The following SPATA21 variants were observed in gnomAD, a reference collection of about 807,000 sequenced individuals.
The protein encoded by SPATA21 is spermatogenesis associated 21, also known as spermatogenesis-associated protein 21.
Under a neutral mutation model 54.8 loss-of-function variants are expected in SPATA21, and 47 were observed. The observed-to-expected ratio is 0.86, with a 90% CI of 0.68 to 1.09. SPATA21 has a LOEUF of 1.09. Among genes scored for constraint, SPATA21 ranks in the 50% least tolerant of loss-of-function variants. The pLI, the probability that SPATA21 is intolerant of heterozygous loss-of-function variation, is 0.00. For missense variants in SPATA21, 599 were observed against 596.4 expected, an observed-to-expected ratio of 1.00 and a Z score of -0.05; for synonymous variants, 245 against 235.3, an observed-to-expected ratio of 1.04 and a Z score of -0.38.
At chr1:16,417,438 CTTTTTTTTT>C (rs550527293) in intron 5 of SPATA21, among the ~76,000 whole-genome samples, 1 of 124,782 alleles carries the variant, frequency 8.0e-6, no homozygotes, top group South Asian at 2.6e-4. Context: ...TTTTTGTGGG[CTTTTTTTTT>C]TTTTTTTTGA....
chr1:16,431,298 AG>A, intron 3 of SPATA21, 39 bp downstream of exon 3: 1 of 1,614,104 alleles, frequency 6.2e-7, no homozygotes. Flanking sequence ...GGTGATCCTC[AG>A]GCCAGGACTT....
chr1:16,403,490 TTC>T lies in SPATA21; in HGVS notation c.1001+235_1001+236del, dbSNP rs370315457. On this transcript the variant is annotated intron_variant, in intron 10 of 12. Coordinates refer to ENST00000335496, the MANE Select transcript of SPATA21 (RefSeq NM_198546.1). Reference sequence around the variant, plus strand: ...TTTTATTCTAGTTTTTTTCTTTTTTTTCTTTTTTTTTTTTTTGAGACAGAGTC... The same window carrying T: ...TTTTATTCTAGTTTTTTTCTTTTTTTTTTTTTTTTTTTTTGAGACAGAGTC... 7.6e-4 allele frequency among the ~76,000 whole-genome samples: 95 copies of T among 124,554 alleles called. 5 individuals are homozygous for T. The highest frequency in any genetic ancestry group is 2.4e-3 in the East Asian group (7 of 2,930). The allele number at this position is 124,554 out of a possible 152,430, so 81.7% of individuals were successfully genotyped here.
downstream of SPATA21, chr1:16,398,047 C>T: frequency 1.1e-6 from 1 of 890,152 alleles, no homozygotes; most frequent in Non-Finnish European, 1.3e-6. Context: ...GTGTAGCGGG[C>T]AGCTGCCCAC....
chr1:16,415,523 G>C (rs2085977354), intron 5 of SPATA21, among the ~76,000 whole-genome samples: 1 of 152,106 alleles, frequency 6.6e-6, no homozygotes, highest in African/African-American at 2.4e-5. Flanking sequence ...GCCCCAAGGT[G>C]GGTAGAAGTC....
chr1:16,425,188 A>G (rs1487586828), intron 3 of SPATA21: 1 of 487,832 alleles, frequency 2.0e-6, no homozygotes, highest in Non-Finnish European at 4.0e-6. Context: ...TGGGATTAAC[A>G]GGCGTGAGCC....
intron 5 of SPATA21, among the ~76,000 whole-genome samples, chr1:16,412,497 C>T (rs1157630176): frequency 6.6e-6 from 1 of 152,162 alleles, no homozygotes; most frequent in African/African-American, 2.4e-5. Flanking sequence ...GAGTCTCACT[C>T]TGTTGCCCAG....
At chr1:16,431,630 G>A (rs1375302276) in intron 2 of SPATA21, among the ~76,000 whole-genome samples, 2 of 152,140 alleles carry the variant, frequency 1.3e-5, no homozygotes, top group East Asian at 3.9e-4. Flanking sequence ...TGACCCTGAG[G>A]AAAAGGGGCT....
chr1:16,408,915 C>CCAACCCAGCAGCTTTG (rs1274046983), intron 7 of SPATA21, among the ~76,000 whole-genome samples: 5 of 150,992 alleles, frequency 3.3e-5, no homozygotes, highest in Non-Finnish European at 7.4e-5. Context: ...CTGGCCCCCC[C>CCAACCCAGCAGCTTTG]AACCCAGCAG....
At chr1:16,398,571 C>T (rs530327326), downstream of SPATA21, 10 of 630,570 alleles carry the variant, frequency 1.6e-5, no homozygotes, top group African/African-American at 1.6e-4. Context: ...TGAGGTGGAA[C>T]CCTGCACTCT....
chr1:16,425,601 C>T (rs896945261), intron 3 of SPATA21: 23 of 1,550,104 alleles, frequency 1.5e-5, no homozygotes, highest in South Asian at 8.3e-5. Flanking sequence ...ATCTCCTTTC[C>T]GGAGCCCAGC....
intron 7 of SPATA21, among the ~76,000 whole-genome samples, chr1:16,406,347 A>G (rs1267841006): frequency 6.6e-6 from 1 of 152,156 alleles, no homozygotes; most frequent in Non-Finnish European, 1.5e-5. Context: ...AGTACTTCCA[A>G]ATGTGCCTGT....
chr1:16,405,835 A>C (rs1357763680), intron 7 of SPATA21, among the ~76,000 whole-genome samples: 3 of 152,226 alleles, frequency 2.0e-5, no homozygotes, highest in African/African-American at 7.2e-5. Context: ...TAGGTGACCA[A>C]GATCTAGGGA....
At chr1:16,435,560 G>T (rs1399394930) in intron 1 of SPATA21, among the ~76,000 whole-genome samples, 1 of 151,186 alleles carries the variant, frequency 6.6e-6, no homozygotes, top group Non-Finnish European at 1.5e-5. Context: ...CAGGTGATCT[G>T]CCCACCTCAG....
chr1:16,406,736 T>C (rs1344860502), intron 7 of SPATA21, among the ~76,000 whole-genome samples: 1 of 152,152 alleles, frequency 6.6e-6, no homozygotes, highest in Non-Finnish European at 1.5e-5. Context: ...AACAAGGCCC[T>C]GTCTCAAATA....
At chr1:16,406,018 G>T (rs1167435633) in intron 7 of SPATA21, among the ~76,000 whole-genome samples, 2 of 152,222 alleles carry the variant, frequency 1.3e-5, no homozygotes, top group Non-Finnish European at 2.9e-5. Context: ...GCACTGAGTG[G>T]AGGCTACTAA....
intron 10 of SPATA21, among the ~76,000 whole-genome samples, chr1:16,403,207 A>G (rs1233494456): frequency 6.6e-6 from 1 of 152,116 alleles, no homozygotes; most frequent in Non-Finnish European, 1.5e-5. Context: ...GGTCCATCGA[A>G]TTCCTTTCCT....
At chr1:16,413,277 T>C (rs985592484) in intron 5 of SPATA21, among the ~76,000 whole-genome samples, 6 of 152,246 alleles carry the variant, frequency 3.9e-5, no homozygotes, top group African/African-American at 1.4e-4. Flanking sequence ...GCTTTGTCTT[T>C]TTGTGACTGG....
intron 12 of SPATA21, 150 bp downstream of exon 12, chr1:16,399,194 T>G (rs2085366820): frequency 5.4e-6 from 5 of 922,278 alleles, no homozygotes; most frequent in Admixed American, 3.0e-5. Context: ...AAGGTTTGTC[T>G]TCTTCGCCTT....
At chr1:16,404,929 C>T in intron 8 of SPATA21, 38 bp downstream of exon 8, 1 of 1,522,194 alleles carries the variant, frequency 6.6e-7, no homozygotes, top group African/African-American at 1.4e-5. Context: ...TGAAGCAGGC[C>T]CTGCCTGGGA....
Sources: allele counts gnomAD v4.1 joint callset (sites outside exome capture counted in the v4.1 genomes callset), GRCh38; gene constraint gnomAD v4.1.1; transcripts MANE v1.5; gene names NCBI Gene and HGNC (gene_info 2026-07-23, HGNC 2026-07-21).